The following ZZEF1 variants were observed in gnomAD, a reference collection of about 807,000 sequenced individuals.
ZZEF1 encodes zinc finger ZZ-type and EF-hand domain containing 1.
A neutral mutation model predicts 342.8 loss-of-function variants in ZZEF1; 157 were observed. That is an observed-to-expected ratio of 0.46 (90% CI 0.40 to 0.52). ZZEF1 has a LOEUF of 0.52. Ranked by LOEUF, ZZEF1 falls within the 20% of genes least tolerant of loss-of-function variation. The probability of loss-of-function intolerance (pLI) is 0.00; values close to 1 mark genes in which losing one functional copy is unlikely to be tolerated. For missense variants in ZZEF1, 3,480 were observed against 3,725.6 expected (o/e 0.93, Z 1.72); for synonymous variants, 1,505 against 1,429.1 (o/e 1.05, Z -1.20).
intron 1 of ZZEF1, among the ~76,000 whole-genome samples, chr17:4,132,860 G>T (rs529439229): frequency 6.6e-6 from 1 of 152,186 alleles, no homozygotes; most frequent in East Asian, 1.9e-4. Flanking sequence ...CAGCTACTCG[G>T]GAGACTGAGG....
At position 4,016,325 on chromosome 17, in the gene ZZEF1, C is replaced by T. The variant is rs753453360; in HGVS notation, c.8143G>A (p.Glu2715Lys). ...KHPYNNNTNF[E>K]DKVHIPGAIY... ...GGGCCTGCCGGCCCCAGGCTTACCTCGAAGTTGGTGTTGTTGTTATACGGG... is the reference window on the plus strand; with the variant it reads ...GGGCCTGCCGGCCCCAGGCTTACCTTGAAGTTGGTGTTGTTGTTATACGGG... Residue 2715 changes from glutamate to lysine, a missense_variant and splice_region_variant, in exon 49 of 55, where the codon GAG becomes AAG. Transcript: ENST00000381638. The surrounding 1 kb of genome is among the most constrained non-coding windows in gnomAD (Gnocchi z 4.4). The T allele has an allele frequency of 7.4e-6, 12 of 1,613,026 alleles. No individual in the cohort carries two copies. The highest frequency in any genetic ancestry group is 1.3e-5 in the African/African-American group (1 of 74,858).
chr17:4,022,088 T>C (rs187581282), intron 44 of ZZEF1, among the ~76,000 whole-genome samples: 5 of 152,344 alleles, frequency 3.3e-5, no homozygotes, highest in Non-Finnish European at 4.4e-5. Flanking sequence ...CAAATCCTCT[T>C]CTGGCAATTG....
At position 4,074,960 on chromosome 17, in the gene ZZEF1, A is replaced by C. The variant is rs2057581201; in HGVS notation, c.3483+137T>G. 1.2e-5 allele frequency: 11 copies of C among 918,868 alleles called. No homozygotes were observed. In the South Asian group the frequency reaches 1.8e-4, roughly 15 times the overall value. 56.9% of individuals were successfully genotyped at this position (918,868 alleles called of 1,614,324 possible). ...ACAGACTATAGCTGGTCAAACTCTGATATAAATCCTTCCTTTCACAAACGT... is the reference window on the plus strand; with the variant it reads ...ACAGACTATAGCTGGTCAAACTCTGCTATAAATCCTTCCTTTCACAAACGT... On this transcript the variant is annotated intron_variant, in intron 23 of 54. Coordinates refer to ENST00000381638, the MANE Select transcript of ZZEF1 (RefSeq NM_015113.4).
intron 9 of ZZEF1, among the ~76,000 whole-genome samples, chr17:4,101,876 C>T (rs549205187): frequency 1.1e-4 from 17 of 152,126 alleles, no homozygotes; most frequent in African/African-American, 3.1e-4. Context: ...GTGATCCTCC[C>T]ACCTCGGCCT....
intron 39 of ZZEF1, among the ~76,000 whole-genome samples, chr17:4,038,117 A>G (rs1332287096): frequency 6.6e-6 from 1 of 152,268 alleles, no homozygotes; most frequent in African/African-American, 2.4e-5. Flanking sequence ...TTATTTGTAT[A>G]GTACTTTTAA....
In ZZEF1 at chr17:4,034,046, G is replaced by C. The variant is rs373509646; in HGVS notation, c.6553C>G (p.Leu2185Val). 3.2e-5 allele frequency: 52 copies of C among 1,614,078 alleles called. No individual in the cohort carries two copies. Among genetic ancestry groups the C allele is most frequent in the Non-Finnish European group, 4.1e-5 (48 of 1,180,052 alleles). Residue 2185 changes from leucine (L) to valine (V), a missense_variant, in exon 40 of 55, where the codon CTC (leucine) becomes GTC (valine). Coordinates refer to ENST00000381638, the MANE Select transcript of ZZEF1 (RefSeq NM_015113.4). The part of the protein sequence containing the change: ...VPDGWKTTHL[L>V]FSLGAVCLDS... ...AGACACACAGCTCCCAGGCTAAAGA[G>C]CAGGTGGGTGGTTTTCCAGCCATCT... is the stretch of plus-strand genomic sequence containing the variant.
intron 11 of ZZEF1, among the ~76,000 whole-genome samples, chr17:4,094,266 C>T (rs946018214): frequency 2.0e-5 from 3 of 152,130 alleles, no homozygotes; most frequent in African/African-American, 7.2e-5. Flanking sequence ...CTCAGTCTTC[C>T]AAGTAGCTGG....
intron 42 of ZZEF1, among the ~76,000 whole-genome samples, chr17:4,025,616 A>G (rs1158250758): frequency 6.6e-6 from 1 of 151,118 alleles, no homozygotes; most frequent in Non-Finnish European, 1.5e-5. Context: ...CAGGAGGTGG[A>G]GGCTGCGGTG....
intron 5 of ZZEF1, among the ~76,000 whole-genome samples, chr17:4,111,214 CAT>C (rs1413684502): frequency 6.6e-6 from 1 of 151,598 alleles, no homozygotes; most frequent in African/African-American, 2.4e-5. Flanking sequence ...GTATGTAAAC[CAT>C]ACACACACTT....
chr17:4,009,378 C>G, intron 53 of ZZEF1: 1 of 617,344 alleles, frequency 1.6e-6, no homozygotes, highest in Non-Finnish European at 2.8e-6. Flanking sequence ...AGTTTCTCCC[C>G]CATTGGCTCT....
chr17:4,014,391 C>A lies in ZZEF1; in HGVS notation c.8270G>T (p.Ser2757Ile), dbSNP rs770001781. 6 of 1,614,234 alleles carry A rather than the reference C, an allele frequency of 3.7e-6. No individual in the cohort carries two copies. Among genetic ancestry groups the A allele is most frequent in the East Asian group, 2.2e-5 (1 of 44,888 alleles). ...SSSDFQQDRH[S>I]FSGSQQKWKD... ...CCACTTCTGCTGAGACCCGCTGAAG[C>A]TGTGTCGGTCTTGCTGGAAGTCACT... is the stretch of plus-strand genomic sequence containing the variant. Residue 2757 changes from serine to isoleucine, a missense_variant, in exon 50 of 55, where the codon AGC becomes ATC. By Grantham distance (142) the Ser-to-Ile change is moderately radical (BLOSUM62 -2). This residue lies in a region of ZZEF1 where 1,269 missense variants were observed against 1,342.4 expected (regional missense o/e 0.95). Transcript: ENST00000381638. The surrounding 1 kb of genome is among the most constrained non-coding windows in gnomAD (Gnocchi z 4.4).
At position 4,118,081 on chromosome 17, in the gene ZZEF1, T is replaced by C. The variant is rs372178563; in HGVS notation, c.500-915A>G. The stretch of plus-strand genomic sequence containing the variant: ...TCAACTGGTAATAGGGAACCCCCCA[T>C]GAGGCCATCGGTACAGGCTGGGAGA... On this transcript the variant is annotated intron_variant, in intron 2 of 54. Transcript: ENST00000381638. 1.1e-4 allele frequency among the ~76,000 whole-genome samples: 16 copies of C among 152,224 alleles called. No individual in the cohort carries two copies. In the East Asian group the frequency reaches 2.3e-3, roughly 22 times the overall value.
Position 4,006,808 on chromosome 17 carries a change from G to A in ZZEF1, c.*82C>T. The A allele has an allele frequency of 6.9e-7, 1 of 1,446,898 alleles. No individual in the cohort carries two copies. Among genetic ancestry groups the A allele is most frequent in the Non-Finnish European group, 9.5e-7 (1 of 1,052,280 alleles). 89.6% of individuals were successfully genotyped at this position (1,446,898 alleles called of 1,614,324 possible). A position where few individuals can be genotyped will look rare whatever the true frequency, so the allele number is the denominator to read the frequency against. On this transcript the variant is annotated 3_prime_UTR_variant, in exon 55 of 55. Coordinates refer to ENST00000381638, the MANE Select transcript of ZZEF1 (RefSeq NM_015113.4). ...AGGAGAGCTGGGCACTGGCGCTACAGGAGTTTTCCTGAATGAGGTTAGATG... is the reference window on the plus strand; with the variant it reads ...AGGAGAGCTGGGCACTGGCGCTACAAGAGTTTTCCTGAATGAGGTTAGATG...
At chr17:4,103,484 C>T (rs2058160311) in intron 8 of ZZEF1, among the ~76,000 whole-genome samples, 1 of 152,090 alleles carries the variant, frequency 6.6e-6, no homozygotes, top group African/African-American at 2.4e-5. Context: ...GAGGTGGACG[C>T]TGCAGTGGGC....
In ZZEF1 at chr17:4,142,166, C is replaced by A. The variant is rs562002560; in HGVS notation, c.354+376G>T. ...GAATTGGGAAGGTGCTGTGTAAAAA[C>A]CTGGACAGGACAATACAAAAAATGG... is the stretch of plus-strand genomic sequence containing the variant. On this transcript the variant is annotated intron_variant, in intron 1 of 54. Coordinates refer to ENST00000381638, the MANE Select transcript of ZZEF1 (RefSeq NM_015113.4). 3.9e-5 allele frequency among the ~76,000 whole-genome samples: 6 copies of A among 152,312 alleles called. No homozygotes were observed. The East Asian group carries it at 1.2e-3, about 29-fold the overall frequency.
chr17:4,086,947 A>C (rs1239681178), intron 14 of ZZEF1, among the ~76,000 whole-genome samples: 2 of 152,054 alleles, frequency 1.3e-5, no homozygotes, highest in Non-Finnish European at 2.9e-5. Flanking sequence ...CAGTGGTGTG[A>C]TCTCAGCTCA....
At chr17:4,044,929 A>C (rs2056880380) in intron 37 of ZZEF1, among the ~76,000 whole-genome samples, 1 of 152,120 alleles carries the variant, frequency 6.6e-6, no homozygotes, top group Non-Finnish European at 1.5e-5. Flanking sequence ...CAAGGCGGGC[A>C]GATCCCTTGA....
At position 4,017,951 on chromosome 17, in the gene ZZEF1, G is replaced by T; in HGVS notation, c.7526C>A (p.Thr2509Asn). Residue 2509 changes from threonine (T) to asparagine (N), a missense_variant, in exon 47 of 55, where the codon ACC becomes AAC. Coordinates refer to ENST00000381638, the MANE Select transcript of ZZEF1 (RefSeq NM_015113.4). The surrounding 1 kb of genome is among the most constrained non-coding windows in gnomAD (Gnocchi z 5.1). ...CAGGGACCGTATCCTTTCATCTGTG[G>T]TGAGCTCATCACCATCAAACCTGCA... Reference protein sequence around the residue: ...VQKRFDGDELTTDERIRSLAQ... With the variant: ...VQKRFDGDELNTDERIRSLAQ... The T allele has an allele frequency of 6.2e-7, 1 of 1,613,802 alleles. No homozygotes were observed. Among genetic ancestry groups the T allele is most frequent in the Non-Finnish European group, 8.5e-7 (1 of 1,180,042 alleles).
chr17:4,074,553 C>A (rs2057572073), intron 23 of ZZEF1, among the ~76,000 whole-genome samples: 1 of 152,180 alleles, frequency 6.6e-6, no homozygotes, highest in East Asian at 1.9e-4. Context: ...GGAGAGTTGG[C>A]AGAATACTGC....
Sources: allele counts gnomAD v4.1 joint callset (sites outside exome capture counted in the v4.1 genomes callset), GRCh38; gene constraint gnomAD v4.1.1; regional missense constraint gnomAD v4.1.1; non-coding constraint Gnocchi (gnomAD v3.1); transcripts MANE v1.5; gene names NCBI Gene and HGNC (gene_info 2026-07-23, HGNC 2026-07-21).